Variants in TTLL1 observed in about 807,000 individuals in gnomAD.
TTLL1 encodes TTL family tubulin polyglutamylase complex subunit L1.
Under a neutral mutation model 47.8 loss-of-function variants are expected in TTLL1, and 33 were observed. The ratio of observed to expected loss-of-function variants is 0.69; its 90% CI spans 0.52 to 0.92. The LOEUF is 0.92. TTLL1 is among the 40% of genes least tolerant of loss of function. The pLI is 0.00. For synonymous variants in TTLL1, 225 were observed against 214.1 expected (o/e 1.05, Z -0.45); for missense variants, 488 against 547.5 (o/e 0.89, Z 1.08).
intron 2 of TTLL1, among the ~76,000 whole-genome samples, chr22:43,078,433 TCA>T (rs1486568725): frequency 6.6e-6 from 1 of 151,112 alleles, no homozygotes; most frequent in Non-Finnish European, 1.5e-5. Context: ...GAGGCGGAGG[TCA>T]CAGTGAGCCA....
intron 9 of TTLL1, among the ~76,000 whole-genome samples, chr22:43,049,155 G>A (rs1926395988): frequency 6.6e-6 from 1 of 151,612 alleles, no homozygotes; most frequent in South Asian, 2.1e-4. Context: ...AAGGCTGGGA[G>A]CAGTTGCTCA....
At chr22:43,055,613 G>A (rs1004306127) in intron 8 of TTLL1, among the ~76,000 whole-genome samples, 2 of 151,920 alleles carry the variant, frequency 1.3e-5, no homozygotes, top group South Asian at 4.2e-4. Context: ...CAACAGGTGT[G>A]CACCAACACA....
intron 10 of TTLL1, among the ~76,000 whole-genome samples, chr22:43,043,674 C>T (rs1042381823): frequency 3.3e-5 from 5 of 152,122 alleles, no homozygotes; most frequent in African/African-American, 1.2e-4. Flanking sequence ...CTCTAATGGG[C>T]TCCTGCGAGA....
intron 1 of TTLL1, among the ~76,000 whole-genome samples, chr22:43,082,009 G>T (rs538809741): frequency 6.6e-6 from 1 of 151,574 alleles, no homozygotes. Context: ...ATGCCCCCGC[G>T]CCTGGCTAGT....
intron 10 of TTLL1, among the ~76,000 whole-genome samples, chr22:43,045,503 G>A (rs79014967): frequency 0.015 from 2,074 of 141,962 alleles, 25 homozygotes; most frequent in Non-Finnish European, 0.022. Context: ...TAGAGATGGG[G>A]TTTCGCTATG....
intron 3 of TTLL1, among the ~76,000 whole-genome samples, chr22:43,070,445 A>C (rs1928043832): frequency 6.6e-6 from 1 of 151,988 alleles, no homozygotes; most frequent in African/African-American, 2.4e-5. Context: ...GGTACGGAGG[A>C]AGGGCTGGCC....
At chr22:43,047,350 A>C (rs1336569475) in intron 9 of TTLL1, among the ~76,000 whole-genome samples, 4 of 152,184 alleles carry the variant, frequency 2.6e-5, no homozygotes, top group Admixed American at 2.6e-4. Context: ...AATCCTTCCA[A>C]CACATGGAAA....
In TTLL1 at chr22:43,058,592, G is replaced by C. The variant is rs17003462; in HGVS notation, c.891+792C>G. Among the ~76,000 whole-genome samples the C allele has an allele frequency of 7.0e-3, 1,067 of 152,340 alleles. 10 individuals carry two copies. Among genetic ancestry groups the C allele is most frequent in the African/African-American group, 0.024 (1,013 of 41,576 alleles). ...CTGAGAGGCTAGCCCGGCTCACCCC[G>C]GGATGGCACTGGGCTGCAAGCTAGC... On this transcript the variant is annotated intron_variant, in intron 8 of 10. Coordinates refer to ENST00000266254, the MANE Select transcript of TTLL1 (RefSeq NM_012263.5).
chr22:43,051,030 T>G (rs1353406762), intron 9 of TTLL1, among the ~76,000 whole-genome samples: 1 of 152,226 alleles, frequency 6.6e-6, no homozygotes, highest in East Asian at 1.9e-4. Flanking sequence ...TATTGTGGAC[T>G]TGGGTGTCCT....
chr22:43,086,529 G>A (rs570394696), intron 1 of TTLL1, among the ~76,000 whole-genome samples: 1 of 152,260 alleles, frequency 6.6e-6, no homozygotes, highest in Non-Finnish European at 1.5e-5. Flanking sequence ...CAGCCACTCA[G>A]TGCCAGGCCT....
chr22:43,066,815 C>T (rs1302742896), intron 5 of TTLL1, among the ~76,000 whole-genome samples: 3 of 151,684 alleles, frequency 2.0e-5, no homozygotes, highest in African/African-American at 7.3e-5. Flanking sequence ...CATGGTAAAA[C>T]CCCATCTCTA....
At chr22:43,065,837 CTG>C (rs1271506749) in intron 5 of TTLL1, among the ~76,000 whole-genome samples, 2 of 152,050 alleles carry the variant, frequency 1.3e-5, no homozygotes, top group Non-Finnish European at 2.9e-5. Context: ...AAAAAAATCT[CTG>C]TATCTTCTTC....
chr22:43,069,411 C>T (rs1000564319), intron 4 of TTLL1, among the ~76,000 whole-genome samples: 15 of 133,658 alleles, frequency 1.1e-4, no homozygotes, highest in African/African-American at 3.2e-4. Flanking sequence ...AAAAAAAAAA[C>T]GCCATGCCAG....
chr22:43,044,536 T>A (rs1457443062), intron 10 of TTLL1, among the ~76,000 whole-genome samples: 2 of 152,236 alleles, frequency 1.3e-5, no homozygotes, highest in South Asian at 2.1e-4. Flanking sequence ...CTTTGTTTTT[T>A]AAAAATTTAC....
intron 1 of TTLL1, among the ~76,000 whole-genome samples, chr22:43,083,202 T>TA (rs976652080): frequency 3.8e-4 from 56 of 148,924 alleles, no homozygotes; most frequent in African/African-American, 1.4e-3. Flanking sequence ...TCTTCTCTAC[T>TA]AAAAAAAATA....
At chr22:43,040,038 T>G in intron 10 of TTLL1, 133 bp from the exon 11 acceptor site, 1 of 1,260,738 alleles carries the variant, frequency 7.9e-7, no homozygotes, top group South Asian at 1.5e-5. Flanking sequence ...TCGCGACTCC[T>G]GCTGGCTCCC....
intron 1 of TTLL1, among the ~76,000 whole-genome samples, chr22:43,082,159 A>AT (rs112916743): frequency 0.32 from 46,038 of 144,012 alleles, 7,524 homozygotes; most frequent in Middle Eastern, 0.43. Flanking sequence ...GACCCCTTCC[A>AT]TTTTTTTTTT....
chr22:43,041,545 T>TTTTTTTTTA (rs3047280), intron 10 of TTLL1, among the ~76,000 whole-genome samples: 1 of 151,154 alleles, frequency 6.6e-6, no homozygotes, highest in Admixed American at 6.6e-5. Context: ...TTTTTTTTTT[T>TTTTTTTTTA]AAACGGTCAC....
rs10529079 is a variant in TTLL1 at position 43,080,902 on chromosome 22, CTTTTTT to C, written c.-89-922_-89-917del. Reference sequence around the variant, plus strand: ...GTCACCTGTTCCCAGTGTTGCATGACTTTTTTTTTTTTTTTTTTTTTTTTTTTTTTT... The same window carrying C: ...GTCACCTGTTCCCAGTGTTGCATGACTTTTTTTTTTTTTTTTTTTTTTTTT... On this transcript the variant is annotated intron_variant, in intron 1 of 10. Coordinates refer to ENST00000266254, the MANE Select transcript of TTLL1 (RefSeq NM_012263.5). 1.9e-3 allele frequency among the ~76,000 whole-genome samples: 129 copies of C among 69,266 alleles called. 1 individual carries two copies. The highest frequency in any genetic ancestry group is 3.7e-3 in the African/African-American group (65 of 17,422). 45.4% of individuals were successfully genotyped at this position (69,266 alleles called of 152,430 possible). A position where few individuals can be genotyped will look rare whatever the true frequency, so the allele number is the denominator to read the frequency against.
Sources: gnomAD v4.1 joint callset for allele counts (sites outside exome capture counted in the v4.1 genomes callset) on GRCh38, gnomAD v4.1.1 for gene constraint, MANE v1.5 for transcripts, NCBI Gene and HGNC (gene_info 2026-07-23, HGNC 2026-07-21) for gene names.